LPAR5: variants seen among roughly 807,000 people sequenced by gnomAD.
LPAR5 encodes lysophosphatidic acid receptor 5.
For missense variants in LPAR5, 544 were observed against 521.8 expected, an observed-to-expected ratio of 1.04 and a Z score of -0.41; for synonymous variants, 271 against 261.6, an observed-to-expected ratio of 1.04 and a Z score of -0.35.
At chr12:6,625,811 G>GT (rs564768209) in intron 1 of LPAR5, among the ~76,000 whole-genome samples, 4 of 149,474 alleles carry the variant, frequency 2.7e-5, no homozygotes, top group South Asian at 2.1e-4. Context: ...TTTGTTTTTT[G>GT]TTTTTTTTGA....
chr12:6,627,132 T>TA (rs1425152188), intron 1 of LPAR5, among the ~76,000 whole-genome samples: 3 of 152,330 alleles, frequency 2.0e-5, no homozygotes, highest in African/African-American at 7.2e-5. Context: ...AGTGGGTTAT[T>TA]AAAAATAACC....
At chr12:6,623,547 G>GAGAGAGAGAGAT (rs957308438) in intron 1 of LPAR5, among the ~76,000 whole-genome samples, 2 of 150,412 alleles carry the variant, frequency 1.3e-5, no homozygotes, top group African/African-American at 4.9e-5. Flanking sequence ...AAATGAGAGA[G>GAGAGAGAGAGAT]AGAGAGAGAG....
In LPAR5 at chr12:6,619,940, A is replaced by G; in HGVS notation, c.*190T>C. The G allele has an allele frequency of 1.2e-6, 1 of 810,762 alleles. No individual in the cohort carries two copies. Among genetic ancestry groups the G allele is most frequent in the Non-Finnish European group, 2.1e-6 (1 of 478,200 alleles). 50.2% of individuals were successfully genotyped at this position (810,762 alleles called of 1,614,324 possible). On this transcript the variant is annotated 3_prime_UTR_variant, in exon 2 of 2. Coordinates refer to ENST00000329858, the MANE Select transcript of LPAR5 (RefSeq NM_020400.6). ...TGCTCTGCGTGCTCACAGTTTAAAG[A>G]AGCCATTTCCAGCAGCACTGCCTTC...
At chr12:6,633,854 G>A (rs1334220779) in intron 1 of LPAR5, among the ~76,000 whole-genome samples, 1 of 152,156 alleles carries the variant, frequency 6.6e-6, no homozygotes, top group East Asian at 1.9e-4. Flanking sequence ...GCCTCTGAGT[G>A]GCTGGGTGGT....
intron 1 of LPAR5, among the ~76,000 whole-genome samples, chr12:6,631,103 A>G (rs1948978250): frequency 6.6e-6 from 1 of 152,164 alleles, no homozygotes; most frequent in Non-Finnish European, 1.5e-5. Context: ...TGCCCCAGAA[A>G]AGAAGGAACA....
intron 1 of LPAR5, among the ~76,000 whole-genome samples, chr12:6,629,951 G>T (rs1006412765): frequency 6.6e-6 from 1 of 151,838 alleles, no homozygotes; most frequent in East Asian, 1.9e-4. Flanking sequence ...TTGAACCCAG[G>T]AGGCGGAAGT....
chr12:6,629,694 G>T (rs1948969611), intron 1 of LPAR5, among the ~76,000 whole-genome samples: 1 of 149,362 alleles, frequency 6.7e-6, no homozygotes, highest in South Asian at 2.1e-4. Flanking sequence ...AAATTAAAAT[G>T]TTAAATAGAC....
rs1475706376 is a variant in LPAR5 at position 6,620,191 on chromosome 12, C to T, written c.1058G>A (p.Arg353Gln). Residue 353 changes from arginine (R) to glutamine (Q), a missense_variant, in exon 2 of 2, where the codon CGA (arginine) becomes CAA (glutamine). Coordinates refer to ENST00000329858, the MANE Select transcript of LPAR5 (RefSeq NM_020400.6). The surrounding 1 kb of genome is among the most constrained non-coding windows in gnomAD (Gnocchi z 6.8). ...RPDAASQGLL[R>Q]PSDSHSLSSF... The stretch of plus-strand genomic sequence containing the variant: ...AGACAGAGAGTGGGAGTCGGAGGGT[C>T]GGAGCAGCCCCTGACTGGCGGCATC... The T allele has an allele frequency of 1.9e-6, 3 of 1,613,110 alleles. No homozygotes were observed. Among genetic ancestry groups the T allele is most frequent in the East Asian group, 4.5e-5 (2 of 44,844 alleles).
intron 1 of LPAR5, among the ~76,000 whole-genome samples, chr12:6,623,895 G>A (rs375376929): frequency 1.3e-5 from 2 of 151,914 alleles, no homozygotes; most frequent in African/African-American, 4.8e-5. Flanking sequence ...GGGAGGCGGA[G>A]GTTGCAGTGA....
intron 1 of LPAR5, among the ~76,000 whole-genome samples, chr12:6,626,297 T>C (rs1393598906): frequency 6.6e-6 from 1 of 152,112 alleles, no homozygotes; most frequent in Non-Finnish European, 1.5e-5. Flanking sequence ...AATTTTTTCA[T>C]AGAAACGGGG....
rs1242224943 is a variant in LPAR5 at position 6,619,247 on chromosome 12, A to T, written c.*883T>A. The stretch of plus-strand genomic sequence containing the variant: ...AAGCTCTTTGAGATCCTCAATTTCT[A>T]AGAGTGGGGTCTGAGACCAAAAAGT... On this transcript the variant is annotated 3_prime_UTR_variant, in exon 2 of 2. Transcript: ENST00000329858. The T allele has an allele frequency of 6.6e-6, 1 of 152,162 alleles. No homozygotes were observed. Among genetic ancestry groups the T allele is most frequent in the Non-Finnish European group, 1.5e-5 (1 of 68,046 alleles). 9.4% of individuals were successfully genotyped at this position (152,162 alleles called of 1,614,324 possible).
intron 1 of LPAR5, among the ~76,000 whole-genome samples, chr12:6,634,645 A>G (rs1486873451): frequency 6.6e-5 from 10 of 151,342 alleles, no homozygotes; most frequent in Middle Eastern, 3.4e-3. Context: ...AAAAAAAAAA[A>G]ATTAGCCGGG....
rs1208715082 is a variant in LPAR5, at chr12:6,619,906, G to A, written c.*224C>T. 1 of 720,578 alleles carries A rather than the reference G, an allele frequency of 1.4e-6. No individual in the cohort carries two copies. Among genetic ancestry groups the A allele is most frequent in the Non-Finnish European group, 2.5e-6 (1 of 402,822 alleles). The allele number at this position is 720,578 out of a possible 1,614,324, so 44.6% of individuals were successfully genotyped here. A position where few individuals can be genotyped will look rare whatever the true frequency, so the allele number is the denominator to read the frequency against. On this transcript the variant is annotated 3_prime_UTR_variant, in exon 2 of 2. Coordinates refer to ENST00000329858, the MANE Select transcript of LPAR5 (RefSeq NM_020400.6). Reference sequence around the variant, plus strand: ...CTCTCTGCATCACTTCCCACCGCTGGAGAAGGGGTGCTCTGCGTGCTCACA... The same window carrying A: ...CTCTCTGCATCACTTCCCACCGCTGAAGAAGGGGTGCTCTGCGTGCTCACA...
intron 1 of LPAR5, among the ~76,000 whole-genome samples, chr12:6,625,450 G>A (rs1444880611): frequency 1.5e-4 from 22 of 149,080 alleles, no homozygotes; most frequent in East Asian, 2.0e-4. Context: ...GGCCGGGCGC[G>A]GTGGCTCATG....
intron 1 of LPAR5, among the ~76,000 whole-genome samples, chr12:6,627,651 T>G (rs1948950990): frequency 6.6e-6 from 1 of 152,200 alleles, no homozygotes; most frequent in South Asian, 2.1e-4. Context: ...GCACTTAGTT[T>G]GCTGTTTTGA....
Position 6,619,946 on chromosome 12 carries a change from T to G in LPAR5, c.*184A>C, listed in dbSNP as rs1323572575. On this transcript the variant is annotated 3_prime_UTR_variant, in exon 2 of 2. Coordinates refer to ENST00000329858, the MANE Select transcript of LPAR5 (RefSeq NM_020400.6). ...GCGTGCTCACAGTTTAAAGAAGCCA[T>G]TTCCAGCAGCACTGCCTTCCCTGGG... is the stretch of plus-strand genomic sequence containing the variant. The G allele has an allele frequency of 1.2e-6, 1 of 848,494 alleles. No homozygotes were observed. The highest frequency in any genetic ancestry group is 2.6e-5 in the East Asian group (1 of 37,788). The allele number at this position is 848,494 out of a possible 1,614,324, so 52.6% of individuals were successfully genotyped here. A position where few individuals can be genotyped will look rare whatever the true frequency, so the allele number is the denominator to read the frequency against.
chr12:6,632,133 G>A (rs759506138), intron 1 of LPAR5, among the ~76,000 whole-genome samples: 2 of 152,018 alleles, frequency 1.3e-5, no homozygotes, highest in Admixed American at 6.6e-5. Context: ...CACCACACCC[G>A]GCTAATTTTT....
chr12:6,620,494 CTGTTGTA>C lies in LPAR5; in HGVS notation c.748_754del (p.Tyr250AlafsTer28). The C allele has an allele frequency of 6.3e-7, 1 of 1,586,810 alleles. No individual in the cohort carries two copies. Among genetic ancestry groups the C allele is most frequent in the South Asian group, 1.1e-5 (1 of 88,428 alleles). ...CAGCAGCCCGTAGACCGCCAGCGTG[CTGTTGTA>C]GGGCACGAAGCACAGCAGGAAGATG... On this transcript the variant is annotated frameshift_variant, in exon 2 of 2. Coordinates refer to ENST00000329858, the MANE Select transcript of LPAR5 (RefSeq NM_020400.6). LOFTEE classifies it low-confidence loss of function (END_TRUNC). This position sits in a 1 kb window ranked among gnomAD's most constrained non-coding sequence, Gnocchi z 6.8.
intron 1 of LPAR5, among the ~76,000 whole-genome samples, chr12:6,624,662 GC>G (rs1948921263): frequency 6.6e-6 from 1 of 151,788 alleles, no homozygotes; most frequent in African/African-American, 2.4e-5. Flanking sequence ...CTCTTGTTGC[GC>G]AGGCTGGAGT....
Sources: gnomAD v4.1 joint callset for allele counts (sites outside exome capture counted in the v4.1 genomes callset) on GRCh38, gnomAD v4.1.1 for gene constraint, Gnocchi (gnomAD v3.1) non-coding constraint, MANE v1.5 for transcripts, NCBI Gene and HGNC (gene_info 2026-07-23, HGNC 2026-07-21) for gene names.